The following RSRC1 variants were observed in gnomAD, a reference collection of about 807,000 sequenced individuals.
RSRC1 encodes the protein serine/Arginine-related protein 53.
A neutral mutation model predicts 49.1 loss-of-function variants in RSRC1; 39 were observed. The observed-to-expected ratio is 0.79, with a 90% confidence interval of 0.61 to 1.04. The LOEUF (loss-of-function observed/expected upper bound fraction) is 1.04. RSRC1 is among the 50% of genes least tolerant of loss of function. The pLI is 0.00. For synonymous variants in RSRC1, 143 were observed against 130.8 expected, an observed-to-expected ratio of 1.09 and a Z score of -0.63; for missense variants, 388 against 402.4, an observed-to-expected ratio of 0.96 and a Z score of 0.31.
chr3:158,236,876 T>C (rs930258834), intron 4 of RSRC1, among the ~76,000 whole-genome samples: 1 of 152,184 alleles, frequency 6.6e-6, no homozygotes, highest in Non-Finnish European at 1.5e-5. Flanking sequence ...AGAAAGTTCA[T>C]TGGCAGTAGT....
chr3:158,379,811 C>A (rs1331261711), intron 6 of RSRC1, among the ~76,000 whole-genome samples: 1 of 136,718 alleles, frequency 7.3e-6, no homozygotes, highest in Non-Finnish European at 1.5e-5. Context: ...AACACACGCG[C>A]ATGCACACAC....
At chr3:158,486,032 A>G (rs1578534430) in intron 7 of RSRC1, among the ~76,000 whole-genome samples, 1 of 152,178 alleles carries the variant, frequency 6.6e-6, no homozygotes, top group Non-Finnish European at 1.5e-5. Flanking sequence ...TGACTATTTA[A>G]CAGCCATACA....
intron 6 of RSRC1, among the ~76,000 whole-genome samples, chr3:158,413,930 T>G (rs754358260): frequency 1.1e-4 from 17 of 152,148 alleles, no homozygotes; most frequent in Non-Finnish European, 2.2e-4. Context: ...AGTGTGGAGA[T>G]TCCTCAAAGA....
chr3:158,527,180 A>G (rs541689682), intron 7 of RSRC1, among the ~76,000 whole-genome samples: 28 of 147,030 alleles, frequency 1.9e-4, no homozygotes, highest in African/African-American at 2.5e-4. Context: ...GGTTGCAACT[A>G]TGTAACTCCA....
intron 7 of RSRC1, among the ~76,000 whole-genome samples, chr3:158,470,517 G>A (rs1578519037): frequency 6.6e-6 from 1 of 151,882 alleles, no homozygotes; most frequent in East Asian, 1.9e-4. Flanking sequence ...TGGGAATGGA[G>A]GATTAATACA....
At position 158,229,033 on chromosome 3, in the gene RSRC1, T is replaced by TGTATAAACACATACGTGTATATGTGC. The variant is rs1722728510; in HGVS notation, c.494+25799_494+25800insTACGTGTATATGTGCGTATAAACACA. On this transcript the variant is annotated intron_variant, in intron 4 of 9. Transcript: ENST00000611884. ...ATAAACACACATACGTGTATATGTGTGTATAAACACACATACGTGTATATG... is the reference window on the plus strand; with the variant it reads ...ATAAACACACATACGTGTATATGTGTGTATAAACACATACGTGTATATGTGCGTATAAACACACATACGTGTATATG... 2.1e-5 allele frequency among the ~76,000 whole-genome samples: 2 copies of TGTATAAACACATACGTGTATATGTGC among 94,736 alleles called. 1 individual carries two copies. Among genetic ancestry groups the TGTATAAACACATACGTGTATATGTGC allele is most frequent in the East Asian group, 9.6e-4 (2 of 2,094 alleles). The allele number at this position is 94,736 out of a possible 152,430, so 62.2% of individuals were successfully genotyped here.
chr3:158,326,880 G>A (rs557833726), intron 5 of RSRC1, among the ~76,000 whole-genome samples: 8 of 152,250 alleles, frequency 5.3e-5, no homozygotes, highest in African/African-American at 1.9e-4. Context: ...TGGTTGGTAG[G>A]CTATTAATTA....
intron 7 of RSRC1, among the ~76,000 whole-genome samples, chr3:158,492,336 A>G (rs1219549736): frequency 6.6e-6 from 1 of 152,216 alleles, no homozygotes; most frequent in Non-Finnish European, 1.5e-5. Flanking sequence ...ATTTAATCTG[A>G]GCTTTTCCTA....
At position 158,424,696 on chromosome 3, in the gene RSRC1, A is replaced by T. The variant is rs1578460542; in HGVS notation, c.584-36239A>T. 3.9e-5 allele frequency among the ~76,000 whole-genome samples: 6 copies of T among 152,102 alleles called. No individual in the cohort carries two copies. In the South Asian group the frequency reaches 1.2e-3, roughly 32 times the overall value. On this transcript the variant is annotated intron_variant, in intron 6 of 9. Coordinates refer to ENST00000611884, the MANE Select transcript of RSRC1 (RefSeq NM_001271838.2). ...TACCTCTGGTAGAATTCGGCTGTGA[A>T]TCCATCTGGTCCTGGACCCTTTTTG... is the stretch of plus-strand genomic sequence containing the variant.
At chr3:158,198,236 C>T (rs578248390) in intron 3 of RSRC1, among the ~76,000 whole-genome samples, 1 of 152,136 alleles carries the variant, frequency 6.6e-6, no homozygotes, top group South Asian at 2.1e-4. Flanking sequence ...ATCCCTTTAC[C>T]ATTATGTAAT....
intron 3 of RSRC1, among the ~76,000 whole-genome samples, chr3:158,149,081 G>A (rs1224019841): frequency 6.6e-6 from 1 of 152,216 alleles, no homozygotes; most frequent in Non-Finnish European, 1.5e-5. Context: ...ACTGCGCCCA[G>A]TCACAAATGT....
In RSRC1 at chr3:158,422,044, G is replaced by C. The variant is rs183120914; in HGVS notation, c.584-38891G>C. Among the ~76,000 whole-genome samples the C allele has an allele frequency of 2.0e-4, 29 of 142,142 alleles. No individual in the cohort carries two copies. The East Asian group carries it at 5.9e-3, about 29-fold the overall frequency. The allele number at this position is 142,142 out of a possible 152,430, so 93.3% of individuals were successfully genotyped here. A position where few individuals can be genotyped will look rare whatever the true frequency, so the allele number is the denominator to read the frequency against. On this transcript the variant is annotated intron_variant, in intron 6 of 9. Coordinates refer to ENST00000611884, the MANE Select transcript of RSRC1 (RefSeq NM_001271838.2). Reference sequence around the variant, plus strand: ...ATTTTATTTGATGTATATAAACTAAGTCGGGAGAAGTTTCAGTTTTTCTTT... The same window carrying C: ...ATTTTATTTGATGTATATAAACTAACTCGGGAGAAGTTTCAGTTTTTCTTT...
At chr3:158,491,528 A>G (rs1172825558) in intron 7 of RSRC1, among the ~76,000 whole-genome samples, 1 of 152,188 alleles carries the variant, frequency 6.6e-6, no homozygotes, top group East Asian at 1.9e-4. Flanking sequence ...AAGAATGTTA[A>G]GGCTTTCGGT....
At chr3:158,332,446 G>A (rs540121522) in intron 5 of RSRC1, among the ~76,000 whole-genome samples, 76 of 152,060 alleles carry the variant, frequency 5.0e-4, no homozygotes, top group African/African-American at 1.5e-3. Context: ...AAATAAATCC[G>A]TAACCTCATG....
intron 6 of RSRC1, among the ~76,000 whole-genome samples, chr3:158,444,146 G>A (rs1168427795): frequency 2.0e-5 from 3 of 152,038 alleles, no homozygotes; most frequent in Non-Finnish European, 2.9e-5. Flanking sequence ...TCACAGAATT[G>A]GAAAAAACTA....
At chr3:158,380,247 C>T (rs1463669535) in intron 6 of RSRC1, among the ~76,000 whole-genome samples, 1 of 152,090 alleles carries the variant, frequency 6.6e-6, no homozygotes, top group African/African-American at 2.4e-5. Flanking sequence ...AAAATAGCTG[C>T]TTTTATAAAT....
chr3:158,482,872 G>A (rs1412584789), intron 7 of RSRC1, among the ~76,000 whole-genome samples: 2 of 151,986 alleles, frequency 1.3e-5, no homozygotes, highest in Non-Finnish European at 2.9e-5. Flanking sequence ...GAGATTAGAT[G>A]TTGGATGTTA....
At chr3:158,427,420 C>G (rs562137914) in intron 6 of RSRC1, among the ~76,000 whole-genome samples, 21 of 151,794 alleles carry the variant, frequency 1.4e-4, no homozygotes, top group African/African-American at 5.1e-4. Context: ...GTAGGTGTGG[C>G]TTTATTTGTG....
At chr3:158,382,585 C>A (rs767623252) in intron 6 of RSRC1, among the ~76,000 whole-genome samples, 3 of 152,104 alleles carry the variant, frequency 2.0e-5, no homozygotes, top group Non-Finnish European at 2.9e-5. Flanking sequence ...TGGCCAGCTA[C>A]CCCCTACCCC....
Sources: gnomAD v4.1 joint callset for allele counts (sites outside exome capture counted in the v4.1 genomes callset) on GRCh38, gnomAD v4.1.1 for gene constraint, MANE v1.5 for transcripts, NCBI Gene and HGNC (gene_info 2026-07-23, HGNC 2026-07-21) for gene names.